Variants in SS18 observed in about 807,000 individuals in gnomAD.
SS18 encodes protein SSXT.
SS18 carries 28 observed loss-of-function variants against 72.5 expected under a neutral mutation model. The ratio of observed to expected loss-of-function variants is 0.39; its 90% CI spans 0.29 to 0.53. The LOEUF (loss-of-function observed/expected upper bound fraction) is 0.53, where lower values mean the gene tolerates loss of function less well. Among genes scored for constraint, SS18 ranks in the 20% least tolerant of loss-of-function variants. The pLI is 0.76. For missense variants in SS18, 518 were observed against 535.3 expected (o/e 0.97, Z 0.32); for synonymous variants, 172 against 164.2 (o/e 1.05, Z -0.37).
intron 5 of SS18, among the ~76,000 whole-genome samples, chr18:26,050,309 A>C (rs1208036872): frequency 6.6e-6 from 1 of 152,168 alleles, no homozygotes; most frequent in Admixed American, 6.5e-5. Flanking sequence ...ACAGAGAAAA[A>C]CATTTTGCAA....
intron 3 of SS18, among the ~76,000 whole-genome samples, chr18:26,060,481 A>G (rs897166825): frequency 2.0e-5 from 3 of 152,172 alleles, no homozygotes; most frequent in African/African-American, 7.2e-5. Flanking sequence ...TGATGCTTAC[A>G]TAATTGTGAA....
In SS18 at chr18:26,090,549, G is replaced by A. The variant is rs1193184967; in HGVS notation, c.21C>T (p.Ala7=). Residue 7 remains alanine (A), a synonymous_variant, in exon 1 of 11, where the codon GCC becomes GCT. Coordinates refer to ENST00000415083, the MANE Select transcript of SS18 (RefSeq NM_001007559.3). ...TCTCCCCCTTGCCTCGCTGCCTCGG[G>A]GCCGCGAAAGCCACAGACATGTTGC... MSVAFA[A]PRQRGKGEIT... is the part of the protein sequence containing the mutation. 7 of 1,587,902 alleles carry A rather than the reference G, an allele frequency of 4.4e-6. No individual in the cohort carries two copies. In the South Asian group the frequency reaches 4.6e-5, roughly 10 times the overall value.
At chr18:26,032,321 A>G in intron 10 of SS18, 78 bp downstream of exon 10, 1 of 1,540,850 alleles carries the variant, frequency 6.5e-7, no homozygotes, top group African/African-American at 1.4e-5. Flanking sequence ...TTCAAGTTAA[A>G]TAAATTTTAA....
intron 10 of SS18, among the ~76,000 whole-genome samples, chr18:26,029,963 G>T (rs1156286407): frequency 6.6e-6 from 1 of 152,082 alleles, no homozygotes; most frequent in Non-Finnish European, 1.5e-5. Flanking sequence ...GAAGTGGTTG[G>T]CAACTACTCA....
intron 5 of SS18, among the ~76,000 whole-genome samples, chr18:26,047,498 A>C (rs180839537): frequency 2.0e-5 from 3 of 152,174 alleles, no homozygotes; most frequent in Admixed American, 2.0e-4. Flanking sequence ...TTTTTTCATG[A>C]ATATTACCAT....
At chr18:26,032,025 T>C (rs1383540556) in intron 10 of SS18, among the ~76,000 whole-genome samples, 1 of 152,112 alleles carries the variant, frequency 6.6e-6, no homozygotes, top group Non-Finnish European at 1.5e-5. Context: ...ACCAAATGAA[T>C]TTATTAACGT....
At chr18:26,073,269 TTAAA>T (rs1186379558) in intron 3 of SS18, among the ~76,000 whole-genome samples, 1 of 151,520 alleles carries the variant, frequency 6.6e-6, no homozygotes, top group Non-Finnish European at 1.5e-5. Context: ...ATATTTGGAA[TTAAA>T]TAAATATGAA....
At chr18:26,019,054 C>G (rs1359116161) in intron 10 of SS18, among the ~76,000 whole-genome samples, 3 of 152,006 alleles carry the variant, frequency 2.0e-5, no homozygotes, top group Non-Finnish European at 4.4e-5. Flanking sequence ...GGAATATAGA[C>G]AAAAGGGACA....
chr18:26,049,984 C>T (rs181021511), intron 5 of SS18, among the ~76,000 whole-genome samples: 2 of 152,196 alleles, frequency 1.3e-5, no homozygotes, highest in Non-Finnish European at 2.9e-5. Flanking sequence ...CAGTGGCTTG[C>T]GCCTGTAATC....
At chr18:26,054,890 G>C (rs781669709) in intron 4 of SS18, among the ~76,000 whole-genome samples, 1 of 151,974 alleles carries the variant, frequency 6.6e-6, no homozygotes, top group Non-Finnish European at 1.5e-5. Context: ...ACAAGTGTGT[G>C]CCACCACGCC....
At chr18:26,083,746 G>C (rs1019432424) in intron 2 of SS18, among the ~76,000 whole-genome samples, 39 of 152,128 alleles carry the variant, frequency 2.6e-4, no homozygotes, top group Admixed American at 1.0e-3. Flanking sequence ...GCATTAGGTA[G>C]CGCATGATTG....
intron 3 of SS18, among the ~76,000 whole-genome samples, chr18:26,062,799 C>G (rs149015960): frequency 6.6e-6 from 1 of 152,020 alleles, no homozygotes; most frequent in African/African-American, 2.4e-5. Context: ...TGCTTTATTA[C>G]GATAAAAGTT....
At chr18:26,068,522 C>T (rs1413596302) in intron 3 of SS18, 9 of 152,152 alleles carry the variant, frequency 5.9e-5, no homozygotes, top group Non-Finnish European at 1.2e-4. Context: ...TTCCACAGCT[C>T]TAAGCATGTG....
At chr18:26,038,782 C>T (rs1347320473) in intron 6 of SS18, 123 bp from the exon 7 acceptor site, 6 of 894,986 alleles carry the variant, frequency 6.7e-6, no homozygotes, top group Non-Finnish European at 1.0e-5. Flanking sequence ...CATAATTTGG[C>T]ATTTCAGATA....
In SS18 at chr18:26,018,394, T is replaced by A. The variant is rs762450674; in HGVS notation, c.1231-14A>T. The A allele has an allele frequency of 8.5e-6, 13 of 1,535,366 alleles. No homozygotes were observed. Among genetic ancestry groups the A allele is most frequent in the Admixed American group, 6.7e-5 (4 of 59,362 alleles). On this transcript the variant is annotated splice_polypyrimidine_tract_variant and intron_variant, in intron 10 of 10. Coordinates refer to ENST00000415083, the MANE Select transcript of SS18 (RefSeq NM_001007559.3). ...TCCATACTGTCCCTAAAAGATAAAT[T>A]TAAAAATATAATTAGATAATAGTTT...
chr18:26,090,088 G>C (rs2054692129), intron 1 of SS18: 1 of 187,076 alleles, frequency 5.3e-6, no homozygotes, highest in African/African-American at 2.4e-5. Flanking sequence ...CCCGCGGTGG[G>C]GTCCGCACGA....
Position 26,039,336 on chromosome 18 carries a change from T to C in SS18, c.728A>G (p.His243Arg). ...AGGAATCTGTCTCTGACCCATCATA[T>C]GATTGCCTTGGTTAACTTGACCCAT... ...GMMGQVNQGN[H>R]MMGQRQIPPY... Residue 243 changes from histidine (H) to arginine (R), a missense_variant, in exon 6 of 11, where the codon CAT becomes CGT. His to Arg is a conservative substitution (Grantham distance 29). Transcript: ENST00000415083. The C allele has an allele frequency of 6.2e-7, 1 of 1,613,968 alleles. No individual in the cohort carries two copies. Among genetic ancestry groups the C allele is most frequent in the Non-Finnish European group, 8.5e-7 (1 of 1,179,886 alleles).
intron 4 of SS18, among the ~76,000 whole-genome samples, chr18:26,056,250 G>A (rs914987419): frequency 6.6e-6 from 1 of 152,180 alleles, no homozygotes; most frequent in Non-Finnish European, 1.5e-5. Flanking sequence ...GTTACACAGA[G>A]AATTTAAGTC....
chr18:26,060,762 T>A (rs1435071119), intron 3 of SS18, among the ~76,000 whole-genome samples: 2 of 17,860 alleles, frequency 1.1e-4, no homozygotes, highest in Admixed American at 7.5e-4. Flanking sequence ...CTGTCTCTAC[T>A]AAAAATACCA....
Sources: gnomAD v4.1 joint callset for allele counts (sites outside exome capture counted in the v4.1 genomes callset) on GRCh38, gnomAD v4.1.1 for gene constraint, MANE v1.5 for transcripts, NCBI Gene and HGNC (gene_info 2026-07-23, HGNC 2026-07-21) for gene names.